Variants in RTF2 observed in about 807,000 individuals in gnomAD.
The protein encoded by RTF2 is replication termination factor 2, also known as UPF0549 protein C20orf43.
RTF2 carries 18 observed loss-of-function variants against 38.0 expected under a neutral mutation model. The ratio of observed to expected loss-of-function variants is 0.47; its 90% CI spans 0.33 to 0.70. The LOEUF is 0.70. RTF2 is among the 30% of genes least tolerant of loss of function. The probability of loss-of-function intolerance (pLI) is 0.02; values close to 1 mark genes in which losing one functional copy is unlikely to be tolerated. For synonymous variants in RTF2, 126 were observed against 137.1 expected (o/e 0.92, Z 0.57); for missense variants, 311 against 379.6 (o/e 0.82, Z 1.50).
At chr20:56,514,315 A>G (rs963344968) in intron 6 of RTF2, 1 of 152,104 alleles carries the variant, frequency 6.6e-6, no homozygotes, top group Non-Finnish European at 1.5e-5. Context: ...GCTATGGAAT[A>G]CAGGCCTTTC....
chr20:56,501,279 T>C (rs963150139), intron 5 of RTF2, among the ~76,000 whole-genome samples: 1 of 152,228 alleles, frequency 6.6e-6, no homozygotes, highest in Admixed American at 6.5e-5. Flanking sequence ...TTCTTAGTTT[T>C]TGTTGTGGCT....
chr20:56,513,093 CA>C (rs1984790216), intron 5 of RTF2, among the ~76,000 whole-genome samples: 1 of 152,208 alleles, frequency 6.6e-6, no homozygotes, highest in South Asian at 2.1e-4. Context: ...TCCCAGACAC[CA>C]TCCAGGCACC....
intron 1 of RTF2, among the ~76,000 whole-genome samples, chr20:56,470,169 C>T (rs369609537): frequency 4.1e-4 from 63 of 152,292 alleles, no homozygotes; most frequent in Non-Finnish European, 8.2e-4. Flanking sequence ...TCTGATCATA[C>T]GTACATGTAA....
chr20:56,505,579 G>A (rs1277201622), intron 5 of RTF2, among the ~76,000 whole-genome samples: 3 of 151,732 alleles, frequency 2.0e-5, no homozygotes, highest in African/African-American at 4.8e-5. Context: ...CATTCCTGGG[G>A]GTCGAGGGTT....
chr20:56,478,884 T>C (rs946870769), intron 4 of RTF2, among the ~76,000 whole-genome samples: 1 of 152,232 alleles, frequency 6.6e-6, no homozygotes, highest in African/African-American at 2.4e-5. Context: ...GCAACTGCTT[T>C]ATCAATTAAG....
intron 3 of RTF2, among the ~76,000 whole-genome samples, chr20:56,475,438 C>T (rs1030136965): frequency 2.6e-5 from 4 of 152,064 alleles, no homozygotes; most frequent in Non-Finnish European, 4.4e-5. Context: ...TTCTTTCTTT[C>T]GTATTATTAG....
At chr20:56,491,561 C>A (rs188301833) in intron 5 of RTF2, 1 of 1,536,098 alleles carries the variant, frequency 6.5e-7, no homozygotes, top group Middle Eastern at 1.7e-4. Flanking sequence ...CACTCCCTAG[C>A]GGTTCAGTCT....
chr20:56,469,659 G>A (rs556625884), intron 1 of RTF2, among the ~76,000 whole-genome samples: 6 of 152,328 alleles, frequency 3.9e-5, no homozygotes, highest in African/African-American at 1.4e-4. Flanking sequence ...GAGCTGGAGA[G>A]CTTGTTTAAA....
chr20:56,485,841 G>A (rs568039385), intron 5 of RTF2, among the ~76,000 whole-genome samples: 11 of 152,326 alleles, frequency 7.2e-5, no homozygotes, highest in African/African-American at 2.4e-4. Flanking sequence ...AGTCCTGCAG[G>A]AATCATGTTA....
At position 56,505,868 on chromosome 20, in the gene RTF2, T is replaced by C. The variant is rs1189118594; in HGVS notation, c.478-7447T>C. 5.3e-5 allele frequency among the ~76,000 whole-genome samples: 8 copies of C among 152,110 alleles called. No individual in the cohort carries two copies. The South Asian group carries it at 8.3e-4, about 16-fold the overall frequency. ...TGACTAAAACATTTAAAAAATGAAA[T>C]CCCTAATAAATAAAAGGACATACGA... On this transcript the variant is annotated intron_variant, in intron 5 of 8. Coordinates refer to ENST00000357348, the MANE Select transcript of RTF2 (RefSeq NM_016407.5).
Position 56,473,415 on chromosome 20 carries a change from T to A in RTF2, c.164+20T>A. On this transcript the variant is annotated intron_variant, in intron 2 of 8. Coordinates refer to ENST00000357348, the MANE Select transcript of RTF2 (RefSeq NM_016407.5). ...TGGCAGGTATGGTTTTTACACTTAA[T>A]CAAGATGAGTTTGTTAAGTGATTTT... 1.3e-6 allele frequency: 2 copies of A among 1,513,376 alleles called. No individual in the cohort carries two copies. Among genetic ancestry groups the A allele is most frequent in the Non-Finnish European group, 1.8e-6 (2 of 1,100,590 alleles). 93.7% of individuals were successfully genotyped at this position (1,513,376 alleles called of 1,614,324 possible).
chr20:56,513,230 G>A, intron 5 of RTF2, 85 bp from the exon 6 acceptor site: 1 of 1,520,986 alleles, frequency 6.6e-7, no homozygotes, highest in South Asian at 1.2e-5. Context: ...GGGGGCCACT[G>A]CTTGGGGCTG....
chr20:56,492,367 T>A (rs942442760), intron 5 of RTF2, among the ~76,000 whole-genome samples: 1 of 147,234 alleles, frequency 6.8e-6, no homozygotes, highest in African/African-American at 2.5e-5. Flanking sequence ...TGTGAGCCAC[T>A]GTGCCTGGCA....
intron 5 of RTF2, among the ~76,000 whole-genome samples, chr20:56,513,106 G>A (rs983206655): frequency 6.6e-6 from 1 of 152,198 alleles, no homozygotes; most frequent in African/African-American, 2.4e-5. Context: ...CCAGGCACCA[G>A]CCTTGCAAGT....
At chr20:56,484,083 TCC>T (rs1292960271) in intron 4 of RTF2, 26 bp from the exon 5 acceptor site, 1 of 1,599,936 alleles carries the variant, frequency 6.3e-7, no homozygotes, top group Non-Finnish European at 8.6e-7. Flanking sequence ...ATTAATACAG[TCC>T]TTCCCCCACT....
chr20:56,507,871 C>T (rs1984380380), intron 5 of RTF2, among the ~76,000 whole-genome samples: 1 of 152,174 alleles, frequency 6.6e-6, no homozygotes, highest in African/African-American at 2.4e-5. Context: ...GACCATCTTC[C>T]AGAGCCAAGG....
intron 5 of RTF2, among the ~76,000 whole-genome samples, chr20:56,488,228 G>A (rs1224528600): frequency 6.6e-6 from 1 of 152,084 alleles, no homozygotes; most frequent in Admixed American, 6.6e-5. Flanking sequence ...GGGCTTGGTG[G>A]TGCATGCCTG....
At chr20:56,470,334 AGAAG>A (rs1981891952) in intron 1 of RTF2, among the ~76,000 whole-genome samples, 1 of 152,242 alleles carries the variant, frequency 6.6e-6, no homozygotes, top group African/African-American at 2.4e-5. Context: ...AGGGTAGAAA[AGAAG>A]GAAGAGCGAT....
intron 5 of RTF2, among the ~76,000 whole-genome samples, chr20:56,500,809 C>T (rs1392948958): frequency 1.3e-5 from 2 of 151,848 alleles, no homozygotes; most frequent in African/African-American, 2.4e-5. Context: ...GAGACAAGGC[C>T]TCACTCTTAT....
Sources: gnomAD v4.1 joint callset for allele counts (sites outside exome capture counted in the v4.1 genomes callset) on GRCh38, gnomAD v4.1.1 for gene constraint, MANE v1.5 for transcripts, NCBI Gene and HGNC (gene_info 2026-07-23, HGNC 2026-07-21) for gene names.